The following SGCZ variants were observed in gnomAD, a reference collection of about 807,000 sequenced individuals.
SGCZ encodes the protein sarcoglycan zeta.
Under a neutral mutation model 41.3 loss-of-function variants are expected in SGCZ, and 40 were observed. The ratio of observed to expected loss-of-function variants is 0.97; its 90% CI spans 0.75 to 1.26. The LOEUF is 1.26. SGCZ is among the 50% of genes most tolerant of loss of function. SGCZ has a pLI of 0.00. For synonymous variants in SGCZ, 206 were observed against 137.5 expected, an observed-to-expected ratio of 1.50 and a Z score of -3.49; for missense variants, 552 against 369.8, an observed-to-expected ratio of 1.49 and a Z score of -4.04.
intron 2 of SGCZ, among the ~76,000 whole-genome samples, chr8:14,538,264 A>C (rs926326837): frequency 3.3e-5 from 5 of 151,934 alleles, no homozygotes; most frequent in African/African-American, 1.2e-4. Flanking sequence ...GCAACCCTTA[A>C]AATGGATTTT....
At chr8:15,225,271 G>A (rs1360622419) in intron 1 of SGCZ, among the ~76,000 whole-genome samples, 3 of 151,786 alleles carry the variant, frequency 2.0e-5, no homozygotes, top group African/African-American at 2.4e-5. Context: ...AGTTAAAAGC[G>A]TACAATGCAG....
intron 1 of SGCZ, among the ~76,000 whole-genome samples, chr8:14,790,098 G>C (rs188377773): frequency 6.6e-5 from 10 of 152,148 alleles, no homozygotes; most frequent in Admixed American, 3.9e-4. Context: ...ACATAATCAA[G>C]ACAGCATTCT....
chr8:14,927,554 G>C (rs1202565501), intron 1 of SGCZ, among the ~76,000 whole-genome samples: 1 of 151,944 alleles, frequency 6.6e-6, no homozygotes, highest in East Asian at 1.9e-4. Flanking sequence ...GAAAGAAGAG[G>C]GAGAGAGACG....
chr8:15,166,466 T>C (rs1157001687), intron 1 of SGCZ, among the ~76,000 whole-genome samples: 5 of 152,044 alleles, frequency 3.3e-5, no homozygotes, highest in African/African-American at 1.2e-4. Context: ...GCCAGGATGG[T>C]CTCCATCTCC....
At chr8:14,626,047 C>T (rs1347535854) in intron 1 of SGCZ, among the ~76,000 whole-genome samples, 53 of 152,148 alleles carry the variant, frequency 3.5e-4, no homozygotes, top group Non-Finnish European at 1.5e-5. Flanking sequence ...GGAATAGTGG[C>T]TTTTATCCTA....
intron 1 of SGCZ, among the ~76,000 whole-genome samples, chr8:14,704,338 CA>C (rs771716385): frequency 3.8e-4 from 58 of 152,070 alleles, no homozygotes; most frequent in African/African-American, 7.0e-4. Context: ...TCAATGTAAT[CA>C]TTTTTTTGAA....
intron 1 of SGCZ, among the ~76,000 whole-genome samples, chr8:14,926,830 A>G (rs1161749211): frequency 6.6e-6 from 1 of 151,838 alleles, no homozygotes; most frequent in Non-Finnish European, 1.5e-5. Flanking sequence ...TAGTAGAGAC[A>G]GGGTTTCACC....
At chr8:14,399,150 T>C (rs1799001764) in intron 2 of SGCZ, among the ~76,000 whole-genome samples, 1 of 152,136 alleles carries the variant, frequency 6.6e-6, no homozygotes, top group South Asian at 2.1e-4. Flanking sequence ...AGAAAGGCAT[T>C]TCAGAATTTA....
At chr8:15,104,380 A>G (rs1031493) in intron 1 of SGCZ, among the ~76,000 whole-genome samples, 149,319 of 152,330 alleles carry the variant, frequency 0.98, 73,262 homozygotes, top group East Asian at 1. Flanking sequence ...ACACACTGGC[A>G]CATCAGACAG....
chr8:14,363,506 C>A lies in SGCZ; in HGVS notation c.235-39302G>T, dbSNP rs142147678. Among the ~76,000 whole-genome samples, 4 of 152,220 alleles carry A rather than the reference C, an allele frequency of 2.6e-5. No individual in the cohort carries two copies. The East Asian group carries it at 7.7e-4, about 29-fold the overall frequency. On this transcript the variant is annotated intron_variant, in intron 2 of 7. Transcript: ENST00000382080. Reference sequence around the variant, plus strand: ...GGTGAGAACAGAAGGGTATTTGCATCCAGATGGTATCTTTCTTTTCTTTTC... The same window carrying A: ...GGTGAGAACAGAAGGGTATTTGCATACAGATGGTATCTTTCTTTTCTTTTC...
At chr8:14,182,764 T>C (rs1804771524) in intron 4 of SGCZ, among the ~76,000 whole-genome samples, 1 of 152,058 alleles carries the variant, frequency 6.6e-6, no homozygotes. Context: ...ATCCCAGCAC[T>C]TTGGGAGGCC....
At chr8:14,826,208 T>C (rs996083622) in intron 1 of SGCZ, among the ~76,000 whole-genome samples, 2 of 151,918 alleles carry the variant, frequency 1.3e-5, no homozygotes, top group Non-Finnish European at 2.9e-5. Context: ...CTTGCGATAG[T>C]TTGCTGAGAA....
chr8:14,357,591 C>T (rs1036254831), intron 2 of SGCZ, among the ~76,000 whole-genome samples: 2 of 152,108 alleles, frequency 1.3e-5, no homozygotes, highest in African/African-American at 4.8e-5. Context: ...GCTACCTCCA[C>T]GTAATAATAA....
chr8:14,700,453 T>G (rs1051418211), intron 1 of SGCZ, among the ~76,000 whole-genome samples: 1 of 151,800 alleles, frequency 6.6e-6, no homozygotes, highest in African/African-American at 2.4e-5. Context: ...CACTGAGGAC[T>G]ACTAGAGGAT....
At chr8:14,235,509 T>G (rs539778942) in intron 4 of SGCZ, among the ~76,000 whole-genome samples, 6 of 152,326 alleles carry the variant, frequency 3.9e-5, no homozygotes, top group African/African-American at 1.4e-4. Flanking sequence ...AAAATCAGTT[T>G]GGAACGGTAA....
At chr8:14,497,070 G>C (rs1422041722) in intron 2 of SGCZ, among the ~76,000 whole-genome samples, 1 of 152,130 alleles carries the variant, frequency 6.6e-6, no homozygotes, top group Non-Finnish European at 1.5e-5. Flanking sequence ...ATTCACTTCT[G>C]TAAATAGCCT....
At chr8:14,381,787 A>G (rs1375707347) in intron 2 of SGCZ, among the ~76,000 whole-genome samples, 2 of 151,190 alleles carry the variant, frequency 1.3e-5, no homozygotes, top group Non-Finnish European at 3.0e-5. Flanking sequence ...CCCTGTCTCA[A>G]AAAAAAAACA....
At chr8:14,941,147 G>A (rs1251561670) in intron 1 of SGCZ, among the ~76,000 whole-genome samples, 4 of 151,972 alleles carry the variant, frequency 2.6e-5, no homozygotes, top group Non-Finnish European at 4.4e-5. Flanking sequence ...CACTCTTCTT[G>A]TTTGTGAAAA....
At chr8:14,278,236 G>C (rs1366785886) in intron 3 of SGCZ, among the ~76,000 whole-genome samples, 2 of 152,118 alleles carry the variant, frequency 1.3e-5, no homozygotes, top group African/African-American at 4.8e-5. Context: ...TTAAGCTTCA[G>C]CCATCTGGCC....
Sources: gnomAD v4.1 joint callset for allele counts (sites outside exome capture counted in the v4.1 genomes callset) on GRCh38, gnomAD v4.1.1 for gene constraint, MANE v1.5 for transcripts, NCBI Gene and HGNC (gene_info 2026-07-23, HGNC 2026-07-21) for gene names.